The following MDGA1 variants were observed in gnomAD, a reference collection of about 807,000 sequenced individuals.
The protein encoded by MDGA1 is MAM domain-containing glycosylphosphatidylinositol anchor protein 1.
MDGA1 carries 54 observed loss-of-function variants against 101.5 expected under a neutral mutation model. The observed-to-expected ratio is 0.53, with a 90% CI of 0.43 to 0.67. The LOEUF is 0.67. MDGA1 is among the 30% of genes least tolerant of loss of function. The pLI, the probability that MDGA1 is intolerant of heterozygous loss-of-function variation, is 0.00. For synonymous variants in MDGA1, 533 were observed against 558.3 expected, an observed-to-expected ratio of 0.95 and a Z score of 0.64; for missense variants, 1,083 against 1,323.8, an observed-to-expected ratio of 0.82 and a Z score of 2.82.
rs1348482203 is a variant in MDGA1 at position 37,650,416 on chromosome 6, G to T, written c.1313-11C>A. ...TGATGGTGGGCGGCACTGTGGGGGTGATGGTGATCAGCGGAGAGGTAGGAG... is the reference window on the plus strand; with the variant it reads ...TGATGGTGGGCGGCACTGTGGGGGTTATGGTGATCAGCGGAGAGGTAGGAG... On this transcript the variant is annotated splice_polypyrimidine_tract_variant and intron_variant, in intron 7 of 16. Coordinates refer to ENST00000434837, the MANE Select transcript of MDGA1 (RefSeq NM_153487.4). 1.8e-5 allele frequency: 28 copies of T among 1,525,530 alleles called. No homozygotes were observed. The highest frequency in any genetic ancestry group is 2.7e-5 in the African/African-American group (2 of 73,416). The allele number at this position is 1,525,530 out of a possible 1,614,324, so 94.5% of individuals were successfully genotyped here. A position where few individuals can be genotyped will look rare whatever the true frequency, so the allele number is the denominator to read the frequency against.
intron 5 of MDGA1, 97 bp from the exon 6 acceptor site, chr6:37,654,640 C>T (rs2114029333): frequency 1.3e-6 from 2 of 1,579,700 alleles, no homozygotes; most frequent in South Asian, 1.1e-5. Context: ...CTGGAGAAGC[C>T]CTCAGGGGAG....
intron 11 of MDGA1, 26 bp downstream of exon 11, chr6:37,646,172 T>C: frequency 6.4e-7 from 1 of 1,561,442 alleles, no homozygotes. Context: ...GGGCCCATCC[T>C]TCCTACCGCC....
chr6:37,631,980 C>CCT lies in MDGA1; in HGVS notation c.*5386_*5387dup, dbSNP rs1763830481. On this transcript the variant is annotated 3_prime_UTR_variant, in exon 17 of 17. Transcript: ENST00000434837. The stretch of plus-strand genomic sequence containing the variant: ...TTTCAACCACCATACCAACTTTAGT[C>CCT]CTCCTCCTTTGCCCTTACTCCCCTT... 6.6e-6 allele frequency: 1 copy of CCT among 152,174 alleles called. No homozygotes were observed. Among genetic ancestry groups the CCT allele is most frequent in the Non-Finnish European group, 1.5e-5 (1 of 68,054 alleles). 9.4% of individuals were successfully genotyped at this position (152,174 alleles called of 1,614,324 possible). A position where few individuals can be genotyped will look rare whatever the true frequency, so the allele number is the denominator to read the frequency against.
intron 8 of MDGA1, 44 bp from the exon 9 acceptor site, chr6:37,649,310 T>A: frequency 6.9e-7 from 1 of 1,445,876 alleles, no homozygotes; most frequent in Non-Finnish European, 9.0e-7. Context: ...CCCCAGCGAG[T>A]GGGGCCTGAG....
chr6:37,664,842 G>GACACACACACACACACACACAC lies in MDGA1; in HGVS notation c.68-758_68-737dup, dbSNP rs35594367. On this transcript the variant is annotated intron_variant, in intron 1 of 16. Transcript: ENST00000434837. ...TTTGCTTTTAGAGAGCCTAACCTAA[G>GACACACACACACACACACACAC]ACACACACACACACACACACACACA... Among the ~76,000 whole-genome samples, 13 of 55,258 alleles carry GACACACACACACACACACACAC rather than the reference G, an allele frequency of 2.4e-4. 2 individuals are homozygous for GACACACACACACACACACACAC. The highest frequency in any genetic ancestry group is 6.2e-4 in the African/African-American group (8 of 12,862). The allele number at this position is 55,258 out of a possible 152,430, so 36.3% of individuals were successfully genotyped here.
rs1763936459 is a variant in MDGA1 at position 37,636,686 on chromosome 6, G to C, written c.*682C>G. On this transcript the variant is annotated 3_prime_UTR_variant, in exon 17 of 17. Coordinates refer to ENST00000434837, the MANE Select transcript of MDGA1 (RefSeq NM_153487.4). ...CTTCAAAGGGTGCACACTGAGGAGG[G>C]AAATATGGTGTCCCAGAAATAGGTC... is the stretch of plus-strand genomic sequence containing the variant. 1 of 152,730 alleles carries C rather than the reference G, an allele frequency of 6.5e-6. No homozygotes were observed. The highest frequency in any genetic ancestry group is 1.5e-5 in the Non-Finnish European group (1 of 68,112). The allele number at this position is 152,730 out of a possible 1,614,324, so 9.5% of individuals were successfully genotyped here.
intron 1 of MDGA1, among the ~76,000 whole-genome samples, chr6:37,673,911 A>G (rs1273788857): frequency 6.6e-6 from 1 of 152,022 alleles, no homozygotes; most frequent in Non-Finnish European, 1.5e-5. Context: ...GTTCGAGTCC[A>G]TTTCCTTCCC....
chr6:37,687,153 G>T (rs1762213649), intron 1 of MDGA1, among the ~76,000 whole-genome samples: 1 of 152,114 alleles, frequency 6.6e-6, no homozygotes, highest in Admixed American at 6.5e-5. Context: ...ATTAGAAAAG[G>T]CTGTGTGTTC....
chr6:37,649,240 G>A lies in MDGA1; in HGVS notation c.1636C>T (p.Gln546Ter). The A allele has an allele frequency of 1.3e-6, 2 of 1,507,828 alleles. No individual in the cohort carries two copies. The highest frequency in any genetic ancestry group is 1.8e-6 in the Non-Finnish European group (2 of 1,136,388). The allele number at this position is 1,507,828 out of a possible 1,614,324, so 93.4% of individuals were successfully genotyped here. Residue 546 changes from glutamine (Q) to a stop codon, truncating the protein, a stop_gained, in exon 9 of 17, where the codon CAG (glutamine) becomes TAG (stop). Coordinates refer to ENST00000434837, the MANE Select transcript of MDGA1 (RefSeq NM_153487.4). LOFTEE classifies it high-confidence loss of function. ...CGGCCCAGCGCCTGGCGCACGTCCT[G>A]GGAACTGGGCTCCACCTCCGGCGGG... is the stretch of plus-strand genomic sequence containing the variant. ...QFPPEVEPSS[Q>*]DVRQALGRPV...
intron 1 of MDGA1, among the ~76,000 whole-genome samples, chr6:37,665,958 T>G (rs907741627): frequency 6.6e-6 from 1 of 152,172 alleles, no homozygotes; most frequent in African/African-American, 2.4e-5. Flanking sequence ...TGTCTCACCT[T>G]TCCTCCTTCA....
At chr6:37,688,201 C>T (rs1165394497) in intron 1 of MDGA1, among the ~76,000 whole-genome samples, 6 of 152,254 alleles carry the variant, frequency 3.9e-5, no homozygotes, top group South Asian at 4.1e-4. Flanking sequence ...ACACTGTCTA[C>T]ACCAGCTGTG....
rs917500447 is a variant in MDGA1 at position 37,696,563 on chromosome 6, G to C, written c.67+182C>G. Among the ~76,000 whole-genome samples the C allele has an allele frequency of 6.6e-6, 1 of 152,156 alleles. No homozygotes were observed. The highest frequency in any genetic ancestry group is 2.4e-5 in the African/African-American group (1 of 41,440). ...CGGCTTCCCACCAGACCCTACGACC[G>C]GCCCCTGTGTTCCGAAGCAGCTAGC... On this transcript the variant is annotated intron_variant, in intron 1 of 16. Coordinates refer to ENST00000434837, the MANE Select transcript of MDGA1 (RefSeq NM_153487.4). This position sits in a 1 kb window ranked among gnomAD's most constrained non-coding sequence, Gnocchi z 5.6.
At chr6:37,647,145 C>T (rs1295297833) in intron 10 of MDGA1, 28 bp downstream of exon 10, 2 of 1,576,728 alleles carry the variant, frequency 1.3e-6, no homozygotes, top group Admixed American at 3.7e-5. Context: ...TCCACCTGCC[C>T]CCAGGCCCCC....
At chr6:37,660,879 T>G (rs2114045290) in intron 2 of MDGA1, among the ~76,000 whole-genome samples, 1 of 152,342 alleles carries the variant, frequency 6.6e-6, no homozygotes, top group Non-Finnish European at 1.5e-5. Context: ...TGTTTCTCAT[T>G]CACTACTTGG....
chr6:37,645,915 G>GTGACT lies in MDGA1; in HGVS notation c.2248+13_2248+17dup, dbSNP rs1369425042. ...CCCTAAAGGGAAGGGGAAGTCATGG[G>GTGACT]TGACTGGGGAGTCTCACCTGAAAGG... On this transcript the variant is annotated intron_variant, in intron 12 of 16. Transcript: ENST00000434837. The GTGACT allele has an allele frequency of 6.2e-7, 1 of 1,613,948 alleles. No homozygotes were observed. Among genetic ancestry groups the GTGACT allele is most frequent in the East Asian group, 2.2e-5 (1 of 44,894 alleles).
At chr6:37,666,757 G>C (rs1425473813) in intron 1 of MDGA1, among the ~76,000 whole-genome samples, 1 of 152,214 alleles carries the variant, frequency 6.6e-6, no homozygotes, top group African/African-American at 2.4e-5. Context: ...GAGAGATATA[G>C]AAGGCCCTGG....
In MDGA1 at chr6:37,650,155, G is replaced by C; in HGVS notation, c.1563C>G (p.Gly521=). ...GGGCCTCACGGGGGCGCACGTTGAA[G>C]CCATTATAGCGGGCCGTCTGGCAGC... ...TYRCQTARYN[G]FNVRPREAQV... The change falls in exon 8 of 17, where the codon GGC becomes GGG. Residue 521 remains glycine, a synonymous_variant. Transcript: ENST00000434837. 6.2e-7 allele frequency: 1 copy of C among 1,609,282 alleles called. No homozygotes were observed. Among genetic ancestry groups the C allele is most frequent in the Non-Finnish European group, 8.5e-7 (1 of 1,176,214 alleles).
chr6:37,638,179 T>C lies in MDGA1; in HGVS notation c.2776+26A>G. ...ACGCACAGCTCCCTCCAGATTCAGC[T>C]CCCCCACCTCCTTCCCGTCTTGCAC... On this transcript the variant is annotated intron_variant, in intron 16 of 16. Coordinates refer to ENST00000434837, the MANE Select transcript of MDGA1 (RefSeq NM_153487.4). The surrounding 1 kb of genome is among the most constrained non-coding windows in gnomAD (Gnocchi z 4.8). 5 of 1,592,148 alleles carry C rather than the reference T, an allele frequency of 3.1e-6. No individual in the cohort carries two copies. The highest frequency in any genetic ancestry group is 4.3e-6 in the Non-Finnish European group (5 of 1,161,736).
At chr6:37,664,570 A>G (rs1581609039) in intron 1 of MDGA1, among the ~76,000 whole-genome samples, 1 of 142,204 alleles carries the variant, frequency 7.0e-6, no homozygotes, top group African/African-American at 2.6e-5. Flanking sequence ...AGAAATGCCA[A>G]ATGCCTAGAT....
Sources: gnomAD v4.1 joint callset for allele counts (sites outside exome capture counted in the v4.1 genomes callset) on GRCh38, gnomAD v4.1.1 for gene constraint, Gnocchi (gnomAD v3.1) non-coding constraint, MANE v1.5 for transcripts, NCBI Gene and HGNC (gene_info 2026-07-23, HGNC 2026-07-21) for gene names.